The following GLG1 variants were observed in gnomAD, a reference collection of about 807,000 sequenced individuals.
GLG1 encodes the protein golgi glycoprotein 1.
In GLG1, 38 loss-of-function variants were observed where a neutral mutation model predicts 160.5. The observed-to-expected ratio is 0.24, with a 90% CI of 0.18 to 0.31. The LOEUF (loss-of-function observed/expected upper bound fraction) is 0.31, where lower values mean the gene tolerates loss of function less well. GLG1 is among the 10% of genes least tolerant of loss of function. The pLI is 1.00. For synonymous variants in GLG1, 644 were observed against 543.4 expected (o/e 1.19, Z -2.57); for missense variants, 1,373 against 1,505.2 (o/e 0.91, Z 1.45).
intron 1 of GLG1, among the ~76,000 whole-genome samples, chr16:74,570,956 CT>C (rs559534383): frequency 0.024 from 3,510 of 143,824 alleles, 39 homozygotes; most frequent in Middle Eastern, 0.034. Context: ...TTTTTTTGGT[CT>C]TTTTTTTTTT....
At chr16:74,500,272 T>C (rs948689728) in intron 4 of GLG1, among the ~76,000 whole-genome samples, 2 of 152,168 alleles carry the variant, frequency 1.3e-5, no homozygotes, top group African/African-American at 4.8e-5. Context: ...TTTAAAAAGT[T>C]ATTAATACAC....
At chr16:74,459,826 G>A (rs1434819829) in intron 22 of GLG1, 37 bp from the exon 23 acceptor site, 4 of 1,023,562 alleles carry the variant, frequency 3.9e-6, no homozygotes, top group Non-Finnish European at 6.0e-6. Context: ...CTACCCCACT[G>A]AGCACAGAAA....
At chr16:74,530,320 G>T (rs11863457) in intron 2 of GLG1, among the ~76,000 whole-genome samples, 1 of 152,102 alleles carries the variant, frequency 6.6e-6, no homozygotes, top group African/African-American at 2.4e-5. Flanking sequence ...ATGCATTTTA[G>T]GTTGACTGTT....
At chr16:74,569,755 T>A (rs559326838) in intron 1 of GLG1, among the ~76,000 whole-genome samples, 33 of 148,674 alleles carry the variant, frequency 2.2e-4, no homozygotes, top group Non-Finnish European at 1.5e-4. Flanking sequence ...TCCAGCTACA[T>A]GGGAGGCTGA....
intron 1 of GLG1, among the ~76,000 whole-genome samples, chr16:74,589,272 A>G (rs1463845735): frequency 6.6e-6 from 1 of 151,656 alleles, no homozygotes; most frequent in Non-Finnish European, 1.5e-5. Flanking sequence ...AAAAAAAAGA[A>G]CAATTATGTT....
At chr16:74,597,745 T>G (rs1234631416) in intron 1 of GLG1, among the ~76,000 whole-genome samples, 3 of 151,432 alleles carry the variant, frequency 2.0e-5, no homozygotes, top group Non-Finnish European at 2.9e-5. Context: ...TCCCAGCTAC[T>G]CGGGAGGCTG....
rs181743464 is a variant in GLG1, at chr16:74,450,946, A to T, written c.*2221T>A. 1 of 152,326 alleles carries T rather than the reference A, an allele frequency of 6.6e-6. No individual in the cohort carries two copies. Among genetic ancestry groups the T allele is most frequent in the East Asian group, 1.9e-4 (1 of 5,188 alleles). 9.4% of individuals were successfully genotyped at this position (152,326 alleles called of 1,614,324 possible). ...GGGATTTTCTCTCAATTCAGAAAGA[A>T]CAGAAATATCAACACAATTAGAACT... On this transcript the variant is annotated 3_prime_UTR_variant, in exon 26 of 26. Transcript: ENST00000422840.
chr16:74,536,996 A>G (rs550837262), intron 1 of GLG1, among the ~76,000 whole-genome samples: 5 of 152,342 alleles, frequency 3.3e-5, no homozygotes, highest in African/African-American at 9.6e-5. Context: ...GATCTCTTAC[A>G]TCAAGTATTT....
chr16:74,456,776 T>C, intron 24 of GLG1, 21 bp from the exon 25 acceptor site: 2 of 1,389,016 alleles, frequency 1.4e-6, no homozygotes, highest in East Asian at 2.3e-5. Flanking sequence ...AAATGAATAA[T>C]AAGAAGAACC....
chr16:74,511,052 G>T (rs1313670232), intron 2 of GLG1, among the ~76,000 whole-genome samples: 2 of 152,138 alleles, frequency 1.3e-5, no homozygotes, highest in African/African-American at 4.8e-5. Flanking sequence ...TCCAATGGAG[G>T]ACTGACCGAG....
Position 74,483,122 on chromosome 16 carries a change from A to T in GLG1, c.1574T>A (p.Ile525Asn), listed in dbSNP as rs1281903576. 1.3e-6 allele frequency: 2 copies of T among 1,566,310 alleles called. No individual in the cohort carries two copies. Among genetic ancestry groups the T allele is most frequent in the Non-Finnish European group, 1.8e-6 (2 of 1,136,734 alleles). ...TAAATGTTCCATCAGGCACGACAAG[A>T]TCCTAGCCATTAAATGTGTAAAATT... is the stretch of plus-strand genomic sequence containing the variant. Reference protein sequence around the residue: ...CKHIRSGDPMILSCLMEHLYT... With the variant: ...CKHIRSGDPMNLSCLMEHLYT... The change falls in exon 10 of 26, where the codon ATC becomes AAC. Residue 525 changes from isoleucine (I) to asparagine (N), a missense_variant and splice_region_variant. Coordinates refer to ENST00000422840, the MANE Select transcript of GLG1 (RefSeq NM_001145667.2).
chr16:74,474,184 C>G, intron 13 of GLG1: 1 of 167,086 alleles, frequency 6.0e-6, no homozygotes, highest in East Asian at 1.6e-4. Flanking sequence ...GAACTCCTGA[C>G]CTCGAGATCC....
At chr16:74,557,246 ATT>A (rs1349365607) in intron 1 of GLG1, among the ~76,000 whole-genome samples, 1 of 152,126 alleles carries the variant, frequency 6.6e-6, no homozygotes, top group Non-Finnish European at 1.5e-5. Context: ...ACTATATATG[ATT>A]TGTTTGACTT....
chr16:74,525,173 C>T (rs915519713), intron 2 of GLG1, among the ~76,000 whole-genome samples: 5 of 152,224 alleles, frequency 3.3e-5, no homozygotes, highest in South Asian at 2.1e-4. Flanking sequence ...AGCAGGGGAA[C>T]TCATGGGTCA....
chr16:74,497,055 G>T (rs890600673), intron 4 of GLG1, among the ~76,000 whole-genome samples: 1 of 151,946 alleles, frequency 6.6e-6, no homozygotes, highest in African/African-American at 2.4e-5. Context: ...GAGGCAGGTG[G>T]ATCACCTGAG....
intron 1 of GLG1, among the ~76,000 whole-genome samples, chr16:74,553,356 T>C (rs1221387793): frequency 2.0e-5 from 3 of 152,110 alleles, no homozygotes; most frequent in Non-Finnish European, 2.9e-5. Context: ...ACCACCATGC[T>C]CGGCTACTAT....
In GLG1 at chr16:74,457,865, G is replaced by C; in HGVS notation, c.3265+9C>G. The stretch of plus-strand genomic sequence containing the variant: ...TCAGACAGGATCAAGAGTGAACACA[G>C]AGACTTACGACGCCCGCGGCCAGGG... On this transcript the variant is annotated intron_variant, in intron 24 of 25. Coordinates refer to ENST00000422840, the MANE Select transcript of GLG1 (RefSeq NM_001145667.2). 2.5e-6 allele frequency: 4 copies of C among 1,613,578 alleles called. No homozygotes were observed. Among genetic ancestry groups the C allele is most frequent in the Non-Finnish European group, 3.4e-6 (4 of 1,179,724 alleles).
chr16:74,593,296 G>A (rs148253754), intron 1 of GLG1, among the ~76,000 whole-genome samples: 205 of 152,246 alleles, frequency 1.3e-3, no homozygotes, highest in African/African-American at 4.7e-3. Flanking sequence ...CATCGTTGAA[G>A]TTACTGTCCA....
intron 10 of GLG1, among the ~76,000 whole-genome samples, chr16:74,482,454 A>G (rs1014491109): frequency 1.3e-5 from 2 of 152,272 alleles, no homozygotes; most frequent in Admixed American, 1.3e-4. Flanking sequence ...GAGGAGGGGA[A>G]TGACAGCCAA....
Sources: gnomAD v4.1 joint callset for allele counts (sites outside exome capture counted in the v4.1 genomes callset) on GRCh38, gnomAD v4.1.1 for gene constraint, MANE v1.5 for transcripts, NCBI Gene and HGNC (gene_info 2026-07-23, HGNC 2026-07-21) for gene names.